Variants in CCDC34 observed in about 807,000 individuals in gnomAD.
The protein encoded by CCDC34 is coiled-coil domain containing 34.
A neutral mutation model predicts 44.1 loss-of-function variants in CCDC34; 40 were observed. That is an observed-to-expected ratio of 0.91 (90% CI 0.70 to 1.18). The LOEUF (loss-of-function observed/expected upper bound fraction) is 1.18, where lower values mean the gene tolerates loss of function less well. Among genes scored for constraint, CCDC34 ranks in the 50% most tolerant of loss-of-function variants. The probability of loss-of-function intolerance (pLI) is 0.00; values close to 1 mark genes in which losing one functional copy is unlikely to be tolerated. For missense variants in CCDC34, 466 were observed against 452.3 expected (o/e 1.03, Z -0.28); for synonymous variants, 159 against 158.2 (o/e 1.01, Z -0.04).
chr11:27,350,425 T>C lies in CCDC34; in HGVS notation c.513A>G (p.Gln171=), dbSNP rs1291503353. The change falls in exon 3 of 6, where the codon CAA becomes CAG. Residue 171 remains glutamine (Q), a synonymous_variant. Transcript: ENST00000328697. ...QLKALEELNQ[Q]LEKRKEMEER... ...CTTCCATTTCTTTTCTTTTTTCTAG[T>C]TGTTGATTTAATTCCTGTGGATTTT... The C allele has an allele frequency of 6.2e-6, 10 of 1,603,632 alleles. No individual in the cohort carries two copies. The highest frequency in any genetic ancestry group is 8.5e-6 in the Non-Finnish European group (10 of 1,174,030).
chr11:27,348,874 A>G (rs4451683), intron 3 of CCDC34: 1 of 975,774 alleles, frequency 1.0e-6, no homozygotes, highest in South Asian at 4.7e-5. Context: ...ACAGGTAAAT[A>G]TAACGTCTCA....
In CCDC34 at chr11:27,341,405, T is replaced by C; in HGVS notation, c.752A>G (p.Lys251Arg). 1 of 1,466,048 alleles carries C rather than the reference T, an allele frequency of 6.8e-7. No homozygotes were observed. Among genetic ancestry groups the C allele is most frequent in the Non-Finnish European group, 9.2e-7 (1 of 1,087,474 alleles). The allele number at this position is 1,466,048 out of a possible 1,614,324, so 90.8% of individuals were successfully genotyped here. Residue 251 changes from lysine to arginine, a missense_variant, in exon 4 of 6, where the codon AAG becomes AGG. Transcript: ENST00000328697. ...KKKNAEECER[K>R]KKEKEKEKQQ... ...TAATAAAAATACCTTTTCTTTCTTC[T>C]TCCTCTCACATTCTTCAGCATTTTT...
At chr11:27,350,236 G>A in intron 3 of CCDC34, 96 bp downstream of exon 3, 1 of 1,601,928 alleles carries the variant, frequency 6.2e-7, no homozygotes, top group Non-Finnish European at 8.5e-7. Flanking sequence ...AAGACTCTAA[G>A]AGAAGTATTT....
rs368533590 is a variant in CCDC34, at chr11:27,341,268, GCTT to G, written c.765+121_765+123del. 93 of 586,346 alleles carry G rather than the reference GCTT, an allele frequency of 1.6e-4. 1 individual carries two copies. In the East Asian group the frequency reaches 2.3e-3, roughly 15 times the overall value. 36.3% of individuals were successfully genotyped at this position (586,346 alleles called of 1,614,324 possible). On this transcript the variant is annotated intron_variant, in intron 4 of 5. Transcript: ENST00000328697. ...AGTTTAAACACAGCGTAACAGGATA[GCTT>G]CTTGTGTTTATTTTATGCTAAGATA...
intron 3 of CCDC34, among the ~76,000 whole-genome samples, chr11:27,344,761 A>G (rs1862410379): frequency 1.3e-5 from 2 of 152,056 alleles, no homozygotes; most frequent in South Asian, 4.1e-4. Context: ...TTTCTCCAAA[A>G]TGATCTATGT....
At chr11:27,342,066 TA>T (rs754747019) in intron 3 of CCDC34, among the ~76,000 whole-genome samples, 1 of 152,138 alleles carries the variant, frequency 6.6e-6, no homozygotes, top group Admixed American at 6.6e-5. Flanking sequence ...CTGCCATGAT[TA>T]TTAGGCTTCC....
chr11:27,338,523 T>G lies in CCDC34; in HGVS notation c.*298A>C, dbSNP rs79626653. The G allele has an allele frequency of 8.2e-4, 226 of 276,678 alleles. No homozygotes were observed. The highest frequency in any genetic ancestry group is 5.6e-3 in the Middle Eastern group (5 of 892). 17.1% of individuals were successfully genotyped at this position (276,678 alleles called of 1,614,324 possible). A position where few individuals can be genotyped will look rare whatever the true frequency, so the allele number is the denominator to read the frequency against. On this transcript the variant is annotated 3_prime_UTR_variant, in exon 6 of 6. Transcript: ENST00000328697. ...ACAATATAAAACAATACAAGAAAAA[T>G]TGTTAGTTTTATTGGTATTACAGTG... is the stretch of plus-strand genomic sequence containing the variant.
At position 27,342,832 on chromosome 11, in the gene CCDC34, A is replaced by C. The variant is rs906875228; in HGVS notation, c.607-1282T>G. Among the ~76,000 whole-genome samples the C allele has an allele frequency of 2.0e-5, 3 of 152,344 alleles. No homozygotes were observed. The East Asian group carries it at 5.8e-4, about 29-fold the overall frequency. On this transcript the variant is annotated intron_variant, in intron 3 of 5. Coordinates refer to ENST00000328697, the MANE Select transcript of CCDC34 (RefSeq NM_030771.2). ...TTTTTTCCTCCTTATTTAAATGATA[A>C]TCTACCAACACAGCTAAATTCTAAA...
At chr11:27,356,545 TC>T (rs1254535720) in intron 2 of CCDC34, among the ~76,000 whole-genome samples, 2 of 151,876 alleles carry the variant, frequency 1.3e-5, no homozygotes, top group Non-Finnish European at 2.9e-5. Flanking sequence ...CTATCTGGCT[TC>T]AGTGTTTGGA....
chr11:27,346,584 T>C (rs1862438688), intron 3 of CCDC34, among the ~76,000 whole-genome samples: 1 of 152,076 alleles, frequency 6.6e-6, no homozygotes, highest in Admixed American at 6.5e-5. Flanking sequence ...AGTCTGAATA[T>C]ACAAATTCTC....
chr11:27,357,159 T>A (rs1862590280), intron 2 of CCDC34, among the ~76,000 whole-genome samples: 1 of 152,182 alleles, frequency 6.6e-6, no homozygotes, highest in African/African-American at 2.4e-5. Context: ...ATGATTATCT[T>A]CAGACAGTGA....
chr11:27,349,241 A>T, intron 3 of CCDC34: 1 of 947,772 alleles, frequency 1.1e-6, no homozygotes, highest in Non-Finnish European at 1.3e-6. Flanking sequence ...AGTCACAGAG[A>T]TTTATTTTGA....
In CCDC34 at chr11:27,356,836, T is replaced by C. The variant is rs570309208; in HGVS notation, c.498+567A>G. Among the ~76,000 whole-genome samples the C allele has an allele frequency of 1.3e-4, 17 of 134,098 alleles. No individual in the cohort carries two copies. The South Asian group carries it at 3.9e-3, about 31-fold the overall frequency. 88.0% of individuals were successfully genotyped at this position (134,098 alleles called of 152,430 possible). On this transcript the variant is annotated intron_variant, in intron 2 of 5. Transcript: ENST00000328697. ...AAGCAGTTTCCCACCGCCCAGCACA[T>C]AGGGCACATGCTCACTGAGTGACAC...
At chr11:27,354,373 T>C (rs1862543273) in intron 2 of CCDC34, among the ~76,000 whole-genome samples, 1 of 152,244 alleles carries the variant, frequency 6.6e-6, no homozygotes, top group South Asian at 2.1e-4. Context: ...ATAGCAGTTA[T>C]TATGATCTCC....
At chr11:27,345,725 G>C (rs867441072) in intron 3 of CCDC34, among the ~76,000 whole-genome samples, 11 of 152,218 alleles carry the variant, frequency 7.2e-5, no homozygotes, top group South Asian at 2.1e-4. Context: ...TTGCTATTGT[G>C]AATAGTGCCG....
At position 27,363,189 on chromosome 11, in the gene CCDC34, C is replaced by T; in HGVS notation, c.6G>A (p.Trp2Ter). Residue 2 changes from tryptophan (W) to a stop codon, truncating the protein, a stop_gained, in exon 1 of 6, where the codon TGG becomes TGA. Coordinates refer to ENST00000328697, the MANE Select transcript of CCDC34 (RefSeq NM_030771.2). LOFTEE classifies it high-confidence loss of function. M[W>*]AAGRWGPTFP... ...AAGTAGGCCCCCAGCGCCCCGCCGCCCACATCTGGCCCGCCAAGTTCAAAC... is the reference window on the plus strand; with the variant it reads ...AAGTAGGCCCCCAGCGCCCCGCCGCTCACATCTGGCCCGCCAAGTTCAAAC... The T allele has an allele frequency of 1.4e-6, 2 of 1,475,232 alleles. No individual in the cohort carries two copies. The highest frequency in any genetic ancestry group is 1.8e-6 in the Non-Finnish European group (2 of 1,120,838). 91.4% of individuals were successfully genotyped at this position (1,475,232 alleles called of 1,614,324 possible). A position where few individuals can be genotyped will look rare whatever the true frequency, so the allele number is the denominator to read the frequency against.
chr11:27,348,591 A>G (rs1229384654), intron 3 of CCDC34, among the ~76,000 whole-genome samples: 2 of 152,190 alleles, frequency 1.3e-5, no homozygotes, highest in Non-Finnish European at 1.5e-5. Flanking sequence ...TTTTGATAAA[A>G]CACAGTGAAT....
intron 5 of CCDC34, among the ~76,000 whole-genome samples, chr11:27,340,375 C>T (rs1214873261): frequency 1.3e-5 from 2 of 152,112 alleles, no homozygotes; most frequent in Non-Finnish European, 2.9e-5. Flanking sequence ...GGCAAAACGA[C>T]CCCTTAAAAT....
intron 5 of CCDC34, among the ~76,000 whole-genome samples, chr11:27,339,934 A>G (rs1253430208): frequency 6.6e-6 from 1 of 152,168 alleles, no homozygotes; most frequent in Non-Finnish European, 1.5e-5. Flanking sequence ...TTCAAGCAAG[A>G]AACAAAAAGA....
Sources: gnomAD v4.1 joint callset for allele counts (sites outside exome capture counted in the v4.1 genomes callset) on GRCh38, gnomAD v4.1.1 for gene constraint, MANE v1.5 for transcripts, NCBI Gene and HGNC (gene_info 2026-07-23, HGNC 2026-07-21) for gene names.